The following ARID1B variants were observed in gnomAD, a reference collection of about 807,000 sequenced individuals.
ARID1B encodes the protein AT-rich interaction domain 1B.
In ARID1B, 30 loss-of-function variants were observed where a neutral mutation model predicts 212.3. The ratio of observed to expected loss-of-function variants is 0.14; its 90% CI spans 0.11 to 0.19. The LOEUF is 0.19. ARID1B is among the 10% of genes least tolerant of loss of function. The pLI is 1.00. For missense variants in ARID1B, 2,891 were observed against 3,204.0 expected, an observed-to-expected ratio of 0.90 and a Z score of 2.36; for synonymous variants, 1,402 against 1,301.7, an observed-to-expected ratio of 1.08 and a Z score of -1.66.
At chr6:156,927,148 G>A (rs1417878452) in intron 3 of ARID1B, among the ~76,000 whole-genome samples, 1 of 152,046 alleles carries the variant, frequency 6.6e-6, no homozygotes, top group East Asian at 1.9e-4. Flanking sequence ...ATATATTATT[G>A]TTTAATTTAC....
Position 157,167,245 on chromosome 6 carries a change from T to C in ARID1B, c.3235+60T>C. The C allele has an allele frequency of 2.6e-6, 4 of 1,545,474 alleles. No individual in the cohort carries two copies. The South Asian group carries it at 3.6e-5, about 14-fold the overall frequency. Reference sequence around the variant, plus strand: ...TCTCTCCCCTCTCCTCCTCTTAGGCTCCACCAGTGAATCTGCCTAAACGGC... The same window carrying C: ...TCTCTCCCCTCTCCTCCTCTTAGGCCCCACCAGTGAATCTGCCTAAACGGC... On this transcript the variant is annotated intron_variant, in intron 9 of 19. Coordinates refer to ENST00000636930, the MANE Select transcript of ARID1B (RefSeq NM_001374828.1).
chr6:157,164,931 C>T (rs1009821753), intron 8 of ARID1B, among the ~76,000 whole-genome samples: 4 of 152,136 alleles, frequency 2.6e-5, no homozygotes, highest in Non-Finnish European at 4.4e-5. Flanking sequence ...AAAACATAAC[C>T]GTCCACAAGT....
intron 12 of ARID1B, among the ~76,000 whole-genome samples, chr6:157,183,838 G>GC (rs1446113075): frequency 6.6e-6 from 1 of 152,218 alleles, no homozygotes; most frequent in Non-Finnish European, 1.5e-5. Flanking sequence ...AGAATCACAG[G>GC]CCCACTTCTG....
At chr6:157,122,426 C>T (rs1787793601) in intron 6 of ARID1B, among the ~76,000 whole-genome samples, 1 of 152,220 alleles carries the variant, frequency 6.6e-6, no homozygotes, top group Non-Finnish European at 1.5e-5. Context: ...CTACCCCTGT[C>T]TTTAGCTATT....
intron 5 of ARID1B, among the ~76,000 whole-genome samples, chr6:157,092,995 C>T (rs1252616630): frequency 2.0e-5 from 3 of 152,184 alleles, no homozygotes; most frequent in Non-Finnish European, 4.4e-5. Context: ...TGCTCTGAAC[C>T]TCTGCTCAGC....
chr6:157,091,464 C>CT (rs1188456193), intron 5 of ARID1B, among the ~76,000 whole-genome samples: 1 of 152,136 alleles, frequency 6.6e-6, no homozygotes, highest in African/African-American at 2.4e-5. Flanking sequence ...GGTCAAAAAA[C>CT]TAATTTTCTT....
chr6:157,167,909 T>G (rs1375940418), intron 9 of ARID1B: 1 of 152,210 alleles, frequency 6.6e-6, no homozygotes, highest in East Asian at 1.9e-4. Flanking sequence ...TGAGTACCAC[T>G]TTTTACATAA....
chr6:157,159,410 T>C (rs995120712), intron 8 of ARID1B, among the ~76,000 whole-genome samples: 13 of 152,048 alleles, frequency 8.5e-5, no homozygotes, highest in African/African-American at 2.7e-4. Flanking sequence ...CCTGGTTGCT[T>C]TGAGAGAAAA....
At chr6:157,102,810 G>C (rs1008103906) in intron 5 of ARID1B, among the ~76,000 whole-genome samples, 1 of 151,692 alleles carries the variant, frequency 6.6e-6, no homozygotes, top group Non-Finnish European at 1.5e-5. Flanking sequence ...TATTGACCAG[G>C]CTGGCCTCAA....
intron 6 of ARID1B, among the ~76,000 whole-genome samples, chr6:157,124,371 CA>C (rs1787990768): frequency 6.6e-6 from 1 of 152,166 alleles, no homozygotes; most frequent in Admixed American, 6.5e-5. Flanking sequence ...GAAACAGTTG[CA>C]CAAAAAACAA....
intron 2 of ARID1B, among the ~76,000 whole-genome samples, chr6:156,853,107 A>G (rs1784689214): frequency 6.6e-6 from 1 of 152,260 alleles, no homozygotes; most frequent in African/African-American, 2.4e-5. Flanking sequence ...GTACTTTAAA[A>G]TCTTACAGTG....
In ARID1B at chr6:157,200,849, A is replaced by G. The variant is rs376225642; in HGVS notation, c.4624A>G (p.Ile1542Val). Residue 1542 changes from isoleucine (I) to valine (V), a missense_variant, in exon 18 of 20, where the codon ATC becomes GTC. Around this residue, in one of 7 missense-constraint regions of ARID1B, gnomAD observed 666 missense variants for 873.5 expected, o/e 0.76. Coordinates refer to ENST00000636930, the MANE Select transcript of ARID1B (RefSeq NM_001374828.1). This position sits in a 1 kb window ranked among gnomAD's most constrained non-coding sequence, Gnocchi z 4.3. ...CTACTCGGGCCCGGACCGCAGGCCC[A>G]TCCAGGGCCAGTACCCGTATCCCTA... Reference protein sequence around the residue: ...GSYSGPDRRPIQGQYPYPYSR... With the variant: ...GSYSGPDRRPVQGQYPYPYSR... 21 of 1,614,086 alleles carry G rather than the reference A, an allele frequency of 1.3e-5. No homozygotes were observed. The highest frequency in any genetic ancestry group is 1.7e-5 in the Non-Finnish European group (20 of 1,180,038).
At chr6:156,896,328 C>T (rs1788381636) in intron 2 of ARID1B, among the ~76,000 whole-genome samples, 1 of 152,146 alleles carries the variant, frequency 6.6e-6, no homozygotes. Flanking sequence ...TCTAATCCCA[C>T]CAGTTTGGGA....
chr6:157,084,049 G>T (rs542193435), intron 4 of ARID1B, among the ~76,000 whole-genome samples: 4 of 151,176 alleles, frequency 2.6e-5, no homozygotes, highest in Non-Finnish European at 5.9e-5. Context: ...CAGGAGAATC[G>T]CTTGAACCCA....
chr6:157,040,739 T>G (rs1292995543), intron 4 of ARID1B, among the ~76,000 whole-genome samples: 1 of 152,232 alleles, frequency 6.6e-6, no homozygotes, highest in Non-Finnish European at 1.5e-5. Flanking sequence ...CTTTTTACTC[T>G]AGTCAAATGG....
rs190283065 is a variant in ARID1B at position 156,956,629 on chromosome 6, C to T, written c.2247+21053C>T. ...TCCACTGATATCTTAATGAGATTTC[C>T]ATTCAGTGTATTTTGCATCTCCCTC... is the stretch of plus-strand genomic sequence containing the variant. On this transcript the variant is annotated intron_variant, in intron 4 of 19. Coordinates refer to ENST00000636930, the MANE Select transcript of ARID1B (RefSeq NM_001374828.1). 3.9e-5 allele frequency among the ~76,000 whole-genome samples: 6 copies of T among 152,158 alleles called. No individual in the cohort carries two copies. The East Asian group carries it at 1.2e-3, about 29-fold the overall frequency.
intron 4 of ARID1B, among the ~76,000 whole-genome samples, chr6:156,950,657 G>A (rs973753656): frequency 2.1e-4 from 32 of 152,218 alleles, no homozygotes; most frequent in African/African-American, 6.7e-4. Flanking sequence ...TGCTCTTTCC[G>A]AGTCTTATTT....
intron 1 of ARID1B, among the ~76,000 whole-genome samples, chr6:156,807,312 T>G (rs896824909): frequency 6.6e-6 from 1 of 152,162 alleles, no homozygotes; most frequent in African/African-American, 2.4e-5. Context: ...GAAGCTTGCA[T>G]GTCAGAAACC....
chr6:156,792,017 T>A (rs1445204003), intron 1 of ARID1B, among the ~76,000 whole-genome samples: 1 of 151,906 alleles, frequency 6.6e-6, no homozygotes, highest in Non-Finnish European at 1.5e-5. Context: ...CAGAAATCTT[T>A]AAAAAAAAGG....
Sources: gnomAD v4.1 joint callset for allele counts (sites outside exome capture counted in the v4.1 genomes callset) on GRCh38, gnomAD v4.1.1 for gene constraint, gnomAD v4.1.1 regional missense constraint, Gnocchi (gnomAD v3.1) non-coding constraint, MANE v1.5 for transcripts, NCBI Gene and HGNC (gene_info 2026-07-23, HGNC 2026-07-21) for gene names.